Variants in ITGA7 observed in about 807,000 individuals in gnomAD.
ITGA7 encodes integrin alpha-7.
Under a neutral mutation model 131.6 loss-of-function variants are expected in ITGA7, and 84 were observed. That is an observed-to-expected ratio of 0.64 (90% confidence interval 0.54 to 0.77). The LOEUF (loss-of-function observed/expected upper bound fraction) is 0.77, where lower values mean the gene tolerates loss of function less well. ITGA7 is among the 30% of genes least tolerant of loss of function. ITGA7 has a pLI of 0.00. For missense variants in ITGA7, 1,399 were observed against 1,482.9 expected (o/e 0.94, Z 0.93); for synonymous variants, 548 against 600.7 (o/e 0.91, Z 1.28).
chr12:55,693,328 AAG>A lies in ITGA7; in HGVS notation c.2536-13_2536-12del, dbSNP rs1226019088. 7.4e-6 allele frequency: 12 copies of A among 1,613,262 alleles called. No homozygotes were observed. In the African/African-American group the frequency reaches 1.2e-4, roughly 16 times the overall value. ...GCCTTGGTTGGAAACCTGTGGGAAA[AAG>A]AGAGTATGAGGGGAGAGACCTCAGT... On this transcript the variant is annotated splice_polypyrimidine_tract_variant and intron_variant, in intron 19 of 24. Transcript: ENST00000257879.
chr12:55,716,362 C>T (rs374757164), upstream of ITGA7: 57 of 1,449,632 alleles, frequency 3.9e-5, no homozygotes, highest in East Asian at 9.5e-4. Flanking sequence ...AACTCCTTTC[C>T]CTTGCCAACT....
At position 55,695,362 on chromosome 12, in the gene ITGA7, A is replaced by ACC. The variant is rs981742458; in HGVS notation, c.2003+158_2003+159dup. The ACC allele has an allele frequency of 1.3e-4, 86 of 643,084 alleles. 1 individual carries two copies. Among genetic ancestry groups the ACC allele is most frequent in the Middle Eastern group, 1.2e-3 (3 of 2,430 alleles). The allele number at this position is 643,084 out of a possible 1,614,324, so 39.8% of individuals were successfully genotyped here. A position where few individuals can be genotyped will look rare whatever the true frequency, so the allele number is the denominator to read the frequency against. ...GGGAGCCCCCGTGGCCCCATCACTG[A>ACC]CCCTCATCTCAGTCTCCAAGTCCAT... On this transcript the variant is annotated intron_variant, in intron 14 of 24. Coordinates refer to ENST00000257879, the MANE Select transcript of ITGA7 (RefSeq NM_002206.3).
At chr12:55,701,326 C>T (rs1322815387) in intron 3 of ITGA7, 172 bp from the exon 4 acceptor site, 4 of 1,562,938 alleles carry the variant, frequency 2.6e-6, no homozygotes, top group Middle Eastern at 1.7e-4. Flanking sequence ...GCACCATTAC[C>T]CTGCCAGTGT....
intron 3 of ITGA7, 185 bp from the exon 4 acceptor site, chr12:55,701,339 C>T: frequency 6.4e-7 from 1 of 1,557,990 alleles, no homozygotes; most frequent in Non-Finnish European, 8.7e-7. Flanking sequence ...GCCAGTGTTA[C>T]ACAGGTCCAT....
intron 1 of ITGA7, among the ~76,000 whole-genome samples, chr12:55,706,541 G>C (rs768298289): frequency 7.2e-5 from 11 of 152,164 alleles, no homozygotes; most frequent in Non-Finnish European, 1.2e-4. Flanking sequence ...AGCAGGAGCA[G>C]GTGAGAAGCT....
intron 1 of ITGA7, among the ~76,000 whole-genome samples, chr12:55,705,655 T>C (rs1277977420): frequency 2.6e-5 from 4 of 152,234 alleles, no homozygotes; most frequent in Non-Finnish European, 5.9e-5. Context: ...AATACAAGAA[T>C]AGCAATACTA....
At chr12:55,695,769 A>G in intron 13 of ITGA7, 132 bp from the exon 14 acceptor site, 1 of 700,208 alleles carries the variant, frequency 1.4e-6, no homozygotes, top group Non-Finnish European at 2.6e-6. Flanking sequence ...TCTGCTGCTT[A>G]TTAGCCATGT....
rs1872177372 is a variant in ITGA7 at position 55,694,452 on chromosome 12, A to G, written c.2348T>C (p.Leu783Pro). 1.9e-6 allele frequency: 3 copies of G among 1,614,066 alleles called. No individual in the cohort carries two copies. The highest frequency in any genetic ancestry group is 1.7e-5 in the Admixed American group (1 of 60,002). The change falls in exon 17 of 25, where the codon CTG becomes CCG. Residue 783 changes from leucine to proline, a missense_variant. By Grantham distance (98) the Leu-to-Pro change is moderately conservative (BLOSUM62 -3). Transcript: ENST00000257879. This position sits in a 1 kb window ranked among gnomAD's most constrained non-coding sequence, Gnocchi z 5.3. ...IETTELEVEL[L>P]LATISEQELH... ...GCCCCGCCTGGCTTACGTGGCCAAC[A>G]GCAGCTCTACCTCCAGTTCCGTGGT...
chr12:55,707,648 G>A lies in ITGA7; in HGVS notation c.35C>T (p.Ala12Val), dbSNP rs1565645053. 2 of 1,596,754 alleles carry A rather than the reference G, an allele frequency of 1.3e-6. No individual in the cohort carries two copies. Among genetic ancestry groups the A allele is most frequent in the Non-Finnish European group, 1.7e-6 (2 of 1,171,582 alleles). ...GCCAAAAAGGTAGCAAATCCCGGAG[G>A]CCCCCCAAGGGTCGCGGCTCCGAGC... is the stretch of plus-strand genomic sequence containing the variant. Reference protein sequence around the residue: ...AGARSRDPWGASGICYLFGSL... With the variant: ...AGARSRDPWGVSGICYLFGSL... The change falls in exon 1 of 25, where the codon GCC (alanine) becomes GTC (valine). Residue 12 changes from alanine (A) to valine (V), a missense_variant. Ala to Val is a moderately conservative substitution (Grantham distance 64). Transcript: ENST00000257879.
At chr12:55,696,150 A>C in intron 13 of ITGA7, 133 bp downstream of exon 13, 216 of 926,932 alleles carry the variant, frequency 2.3e-4, no homozygotes, top group Middle Eastern at 3.2e-4. Context: ...TTAGGCACCT[A>C]GAGATATGAG....
rs777546462 is a variant in ITGA7 at position 55,692,970 on chromosome 12, C to T, written c.2718G>A (p.Val906=). 4.3e-6 allele frequency: 7 copies of T among 1,613,912 alleles called. No individual in the cohort carries two copies. The highest frequency in any genetic ancestry group is 4.2e-6 in the Non-Finnish European group (5 of 1,180,030). Residue 906 remains valine (V), a synonymous_variant, in exon 21 of 25, where the codon GTG becomes GTA. Transcript: ENST00000257879. ...SPRPNILHLD[V]DSRDRRRREL... ...CCCGCCGCCTCCTATCCCTACTGTC[C>T]ACATCCTGGACACGGAAGGGGGGTC...
intron 12 of ITGA7, 110 bp from the exon 13 acceptor site, chr12:55,696,542 G>A (rs1872665540): frequency 8.2e-7 from 1 of 1,219,960 alleles, no homozygotes; most frequent in Non-Finnish European, 1.2e-6. Flanking sequence ...GAATATTAGG[G>A]AGATGAATGA....
intron 21 of ITGA7, among the ~76,000 whole-genome samples, chr12:55,691,148 AAAAAT>A (rs1234580158): frequency 1.3e-5 from 2 of 151,810 alleles, no homozygotes; most frequent in African/African-American, 4.8e-5. Context: ...TAAAAAATAA[AAAAAT>A]AAAATAAAAT....
At chr12:55,691,923 T>A (rs1871495700) in intron 21 of ITGA7, among the ~76,000 whole-genome samples, 1 of 151,822 alleles carries the variant, frequency 6.6e-6, no homozygotes, top group South Asian at 2.1e-4. Context: ...CTAATCTAAG[T>A]CCCCACCACA....
intron 21 of ITGA7, among the ~76,000 whole-genome samples, chr12:55,690,492 G>A (rs942295791): frequency 6.7e-6 from 1 of 148,584 alleles, no homozygotes; most frequent in Non-Finnish European, 1.5e-5. Flanking sequence ...GAGAGGATGT[G>A]GAGAAATAGG....
At chr12:55,710,797 C>T (rs993231860), upstream of ITGA7, among the ~76,000 whole-genome samples, 2 of 151,932 alleles carry the variant, frequency 1.3e-5, no homozygotes, top group African/African-American at 2.4e-5. Context: ...TTATTCCACT[C>T]GCATACCATT....
upstream of ITGA7, among the ~76,000 whole-genome samples, chr12:55,711,701 T>TA (rs1246298802): frequency 6.6e-6 from 1 of 152,154 alleles, no homozygotes; most frequent in Non-Finnish European, 1.5e-5. Context: ...AAATTAAATG[T>TA]AAAAATGAAA....
At position 55,696,272 on chromosome 12, in the gene ITGA7, C is replaced by G; in HGVS notation, c.1887+11G>C. ...CTCCTCCCCCTGGGCTAAACCAGAACCCATGCTCACCTCTGCCCGCTGGGT... is the reference window on the plus strand; with the variant it reads ...CTCCTCCCCCTGGGCTAAACCAGAAGCCATGCTCACCTCTGCCCGCTGGGT... On this transcript the variant is annotated intron_variant, in intron 13 of 24. Transcript: ENST00000257879. 6.4e-7 allele frequency: 1 copy of G among 1,561,860 alleles called. No homozygotes were observed. The highest frequency in any genetic ancestry group is 8.7e-7 in the Non-Finnish European group (1 of 1,153,880).
chr12:55,701,194 C>T, intron 3 of ITGA7, 40 bp from the exon 4 acceptor site: 1 of 1,613,932 alleles, frequency 6.2e-7, no homozygotes, highest in South Asian at 1.1e-5. Context: ...ACTCTGTGGG[C>T]CAGGGACCTG....
Sources: allele counts gnomAD v4.1 joint callset (sites outside exome capture counted in the v4.1 genomes callset), GRCh38; gene constraint gnomAD v4.1.1; non-coding constraint Gnocchi (gnomAD v3.1); transcripts MANE v1.5; gene names NCBI Gene and HGNC (gene_info 2026-07-23, HGNC 2026-07-21).